CDC23: variants seen among roughly 807,000 people sequenced by gnomAD.
CDC23 encodes the protein cell division cycle 23.
CDC23 carries 26 observed loss-of-function variants against 81.7 expected under a neutral mutation model. The observed-to-expected ratio is 0.32, with a 90% CI of 0.23 to 0.44. The LOEUF is 0.44. CDC23 is among the 20% of genes least tolerant of loss of function. CDC23 has a pLI of 1.00. For missense variants in CDC23, 519 were observed against 728.0 expected, an observed-to-expected ratio of 0.71 and a Z score of 3.30; for synonymous variants, 267 against 270.8, an observed-to-expected ratio of 0.99 and a Z score of 0.14.
At position 138,199,301 on chromosome 5, in the gene CDC23, A is replaced by G. The variant is rs532141600; in HGVS notation, c.655-519T>C. On this transcript the variant is annotated intron_variant, in intron 6 of 15. Coordinates refer to ENST00000394886, the MANE Select transcript of CDC23 (RefSeq NM_004661.4). Reference sequence around the variant, plus strand: ...ACATGATGACATGGGAGCTTTAAGAATAAGTTTGGAAACAGGCCAGGTGGA... The same window carrying G: ...ACATGATGACATGGGAGCTTTAAGAGTAAGTTTGGAAACAGGCCAGGTGGA... Among the ~76,000 whole-genome samples the G allele has an allele frequency of 1.2e-4, 19 of 152,316 alleles. No individual in the cohort carries two copies. The East Asian group carries it at 3.3e-3, about 26-fold the overall frequency.
Position 138,189,034 on chromosome 5 carries a change from T to C in CDC23, c.1738A>G (p.Asn580Asp). The change falls in exon 16 of 16, where the codon AAC (asparagine) becomes GAC (aspartate). Residue 580 changes from asparagine (N) to aspartate (D), a missense_variant. Transcript: ENST00000394886. ...GAAACTCTGCGTGTGGGGGTATTGTTAGCAGAGAGTGAAGCAGGTAGGAAA... is the reference window on the plus strand; with the variant it reads ...GAAACTCTGCGTGTGGGGGTATTGTCAGCAGAGAGTGAAGCAGGTAGGAAA... ...PFFLPASLSA[N>D]NTPTRRVSPL... is the part of the protein sequence containing the mutation. 1 of 1,614,064 alleles carries C rather than the reference T, an allele frequency of 6.2e-7. No homozygotes were observed. The highest frequency in any genetic ancestry group is 8.5e-7 in the Non-Finnish European group (1 of 1,180,000).
At chr5:138,207,182 GT>G (rs1755060217) in intron 2 of CDC23, among the ~76,000 whole-genome samples, 1 of 151,742 alleles carries the variant, frequency 6.6e-6, no homozygotes, top group Non-Finnish European at 1.5e-5. Context: ...ACCCGGCCAA[GT>G]TTTTCTTTCT....
intron 3 of CDC23, among the ~76,000 whole-genome samples, chr5:138,205,696 GAAA>G (rs35284930): frequency 2.4e-5 from 3 of 127,004 alleles, no homozygotes; most frequent in Non-Finnish European, 3.3e-5. Flanking sequence ...TGGTAAATTG[GAAA>G]AAAAAAAAAA....
chr5:138,204,228 G>A (rs1755022376), intron 3 of CDC23, among the ~76,000 whole-genome samples: 1 of 152,148 alleles, frequency 6.6e-6, no homozygotes, highest in African/African-American at 2.4e-5. Flanking sequence ...AGAAGTGCCA[G>A]GCACAGTGGC....
At chr5:138,192,849 T>TAAAA (rs539031707) in intron 9 of CDC23, among the ~76,000 whole-genome samples, 192 bp from the exon 10 acceptor site, 2 of 149,254 alleles carry the variant, frequency 1.3e-5, no homozygotes, top group African/African-American at 4.9e-5. Flanking sequence ...ACATTCCGGT[T>TAAAA]AAAAAAAAAA....
At position 138,207,927 on chromosome 5, in the gene CDC23, C is replaced by CA. The variant is rs1238471810; in HGVS notation, c.235-1244dup. 6.7e-3 allele frequency among the ~76,000 whole-genome samples: 925 copies of CA among 137,942 alleles called. 9 individuals carry two copies. The highest frequency in any genetic ancestry group is 0.021 in the African/African-American group (795 of 37,502). 90.5% of individuals were successfully genotyped at this position (137,942 alleles called of 152,430 possible). A position where few individuals can be genotyped will look rare whatever the true frequency, so the allele number is the denominator to read the frequency against. On this transcript the variant is annotated intron_variant, in intron 2 of 15. Transcript: ENST00000394886. Reference sequence around the variant, plus strand: ...CTGGTGACGTAGCAAGACTCTGTCTCAAAAAAAAAACAAAAAACAAAAATT... The same window carrying CA: ...CTGGTGACGTAGCAAGACTCTGTCTCAAAAAAAAAAACAAAAAACAAAAATT...
chr5:138,189,259 CTTGT>C, intron 15 of CDC23, 111 bp from the exon 16 acceptor site: 2 of 1,024,460 alleles, frequency 2.0e-6, no homozygotes, highest in Non-Finnish European at 2.8e-6. Context: ...GGGAGGCTTG[CTTGT>C]TTTTTTTTTT....
Position 138,191,922 on chromosome 5 carries a change from G to A in CDC23, c.1302C>T (p.Arg434=), listed in dbSNP as rs956530773. Residue 434 remains arginine (R), a synonymous_variant, in exon 12 of 16, where the codon CGC becomes CGT. Transcript: ENST00000394886. The part of the protein sequence containing the change: ...RAHQLRPNDS[R]MLVALGECYE... ...AACATTCTCCTAAAGCAACCAGCAT[G>A]CGAGAATCATTGGGTCTGAGAAAGA... The A allele has an allele frequency of 6.2e-7, 1 of 1,613,954 alleles. No homozygotes were observed. The highest frequency in any genetic ancestry group is 8.5e-7 in the Non-Finnish European group (1 of 1,179,956).
At chr5:138,192,223 A>T (rs767328928) in intron 11 of CDC23, 46 bp downstream of exon 11, 2 of 1,608,590 alleles carry the variant, frequency 1.2e-6, no homozygotes, top group South Asian at 2.2e-5. Flanking sequence ...AAAAAAAGTT[A>T]TTAGCCCTTC....
chr5:138,204,555 C>A (rs549568027), intron 3 of CDC23, among the ~76,000 whole-genome samples: 1 of 151,060 alleles, frequency 6.6e-6, no homozygotes, highest in Non-Finnish European at 1.5e-5. Flanking sequence ...TTCTTATTCT[C>A]GCAACTTGTC....
rs1224812654 is a variant in CDC23, at chr5:138,198,762, T to C, written c.675A>G (p.Pro225=). ...GAAAAAACTCTTTCATCCAGGTGTC[T>C]GGCAAAGACAGGAACTTCAGCTGGC... The part of the protein sequence containing the change: ...DKEMLKFLSL[P]DTWMKEFFLA... The change falls in exon 7 of 16, where the codon CCA becomes CCG. Residue 225 remains proline (P), a synonymous_variant. Coordinates refer to ENST00000394886, the MANE Select transcript of CDC23 (RefSeq NM_004661.4). 2 of 1,613,850 alleles carry C rather than the reference T, an allele frequency of 1.2e-6. No individual in the cohort carries two copies. Among genetic ancestry groups the C allele is most frequent in the African/African-American group, 2.7e-5 (2 of 74,914 alleles).
At chr5:138,200,547 T>C (rs1378197771) in intron 6 of CDC23, among the ~76,000 whole-genome samples, 2 of 151,932 alleles carry the variant, frequency 1.3e-5, no homozygotes, top group Admixed American at 6.6e-5. Flanking sequence ...AGGCTGGGCG[T>C]GGTGGTTCAT....
Position 138,192,644 on chromosome 5 carries a change from A to G in CDC23, c.1026T>C (p.Ser342=), listed in dbSNP as rs755195157. The G allele has an allele frequency of 3.1e-6, 5 of 1,607,086 alleles. No homozygotes were observed. In the Admixed American group the frequency reaches 6.9e-5, roughly 22 times the overall value. ...ETCCVIGNYY[S]LRSQHEKAAL... ...CTGCTTTCTCATGCTGAGAACGTAA[A>G]CTGTAATAATTGCCTGATTAAAAAT... is the stretch of plus-strand genomic sequence containing the variant. The change falls in exon 10 of 16, where the codon AGT becomes AGC. Residue 342 remains serine, a synonymous_variant. Transcript: ENST00000394886.
chr5:138,198,358 G>T, intron 8 of CDC23, 68 bp downstream of exon 8: 3 of 1,578,340 alleles, frequency 1.9e-6, no homozygotes, highest in Non-Finnish European at 1.7e-6. Flanking sequence ...AATACAAGTG[G>T]GTGACAATCC....
chr5:138,204,379 C>T (rs533353484), intron 3 of CDC23, among the ~76,000 whole-genome samples: 1 of 151,884 alleles, frequency 6.6e-6, no homozygotes, highest in South Asian at 2.1e-4. Flanking sequence ...CTGGCATGCA[C>T]CTGTAGTCCC....
chr5:138,201,274 G>A (rs370010681), intron 5 of CDC23, 35 bp from the exon 6 acceptor site: 2 of 1,613,562 alleles, frequency 1.2e-6, no homozygotes, highest in African/African-American at 2.7e-5. Context: ...AGAAGTTAAT[G>A]CTATTTAATA....
Position 138,192,574 on chromosome 5 carries a change from C to A in CDC23, c.1096G>T (p.Gly366Cys), listed in dbSNP as rs1754838855. Residue 366 changes from glycine (G) to cysteine (C), a missense_variant, in exon 10 of 16, where the codon GGT becomes TGT. Around this residue, in one of 4 missense-constraint regions of CDC23, gnomAD observed 175 missense variants for 337.8 expected, o/e 0.52. Coordinates refer to ENST00000394886, the MANE Select transcript of CDC23 (RefSeq NM_004661.4). Reference protein sequence around the residue: ...RALKLNPRYLGAWTLMGHEYM... With the variant: ...RALKLNPRYLCAWTLMGHEYM... Reference sequence around the variant, plus strand: ...TCATGTCCCATTAGTGTCCAGGCACCAAGATACCGAGGATTTAATTTCAGG... The same window carrying A: ...TCATGTCCCATTAGTGTCCAGGCACAAAGATACCGAGGATTTAATTTCAGG... 6.2e-7 allele frequency: 1 copy of A among 1,614,098 alleles called. No individual in the cohort carries two copies. Among genetic ancestry groups the A allele is most frequent in the Non-Finnish European group, 8.5e-7 (1 of 1,179,988 alleles).
Position 138,201,433 on chromosome 5 carries a change from C to T in CDC23, c.431G>A (p.Gly144Glu). ...TVDSLGPLEK[G>E]QVKNEALREL... ...TCTAAGCGCCTCATTTTTCACTTGTCCTTTTTCCAGGGGGCCTAGGAAAGA... is the reference window on the plus strand; with the variant it reads ...TCTAAGCGCCTCATTTTTCACTTGTTCTTTTTCCAGGGGGCCTAGGAAAGA... Residue 144 changes from glycine to glutamate, a missense_variant, in exon 5 of 16, where the codon GGA becomes GAA. This residue lies in a region of CDC23 where 180 missense variants were observed against 239.3 expected (regional missense o/e 0.75). Coordinates refer to ENST00000394886, the MANE Select transcript of CDC23 (RefSeq NM_004661.4). 6.2e-7 allele frequency: 1 copy of T among 1,613,668 alleles called. No individual in the cohort carries two copies. Among genetic ancestry groups the T allele is most frequent in the Non-Finnish European group, 8.5e-7 (1 of 1,179,706 alleles).
At chr5:138,195,528 TTA>T (rs1326285813) in intron 9 of CDC23, among the ~76,000 whole-genome samples, 14 of 117,940 alleles carry the variant, frequency 1.2e-4, no homozygotes, top group African/African-American at 4.2e-4. Context: ...TATATATAAA[TTA>T]TATATATTTA....
Sources: allele counts gnomAD v4.1 joint callset (sites outside exome capture counted in the v4.1 genomes callset), GRCh38; gene constraint gnomAD v4.1.1; regional missense constraint gnomAD v4.1.1; transcripts MANE v1.5; gene names NCBI Gene and HGNC (gene_info 2026-07-23, HGNC 2026-07-21).